The following DOCK1 variants were observed in gnomAD, a reference collection of about 807,000 sequenced individuals.
The protein encoded by DOCK1 is dedicator of cytokinesis protein 1.
A neutral mutation model predicts 262.7 loss-of-function variants in DOCK1; 138 were observed. That is an observed-to-expected ratio of 0.53 (90% CI 0.46 to 0.61). The LOEUF is 0.61. DOCK1 is among the 20% of genes least tolerant of loss of function. The pLI is 0.00. For synonymous variants in DOCK1, 866 were observed against 867.4 expected (o/e 1.00, Z 0.03); for missense variants, 1,908 against 2,370.7 (o/e 0.80, Z 4.05).
chr10:127,128,338 T>G (rs2050099976), intron 27 of DOCK1, among the ~76,000 whole-genome samples: 1 of 13,370 alleles, frequency 7.5e-5, no homozygotes, highest in South Asian at 0.016. Flanking sequence ...CTCGTTTAAT[T>G]TTTTTTTTTT....
intron 2 of DOCK1, among the ~76,000 whole-genome samples, chr10:126,975,302 G>C (rs1240026189): frequency 6.6e-6 from 1 of 152,096 alleles, no homozygotes; most frequent in East Asian, 1.9e-4. Flanking sequence ...GCTGCCCTGA[G>C]CATCCCATGT....
intron 27 of DOCK1, among the ~76,000 whole-genome samples, chr10:127,236,342 CCTCCTTCCCTCT>C (rs1226291970): frequency 2.2e-5 from 3 of 138,128 alleles, no homozygotes; most frequent in South Asian, 2.6e-4. Flanking sequence ...TCTCCCCTCC[CCTCCTTCCCTCT>C]CTCCTTCCCT....
At chr10:127,402,925 G>T (rs950528086) in intron 38 of DOCK1, 130 bp from the exon 39 acceptor site, 5 of 893,280 alleles carry the variant, frequency 5.6e-6, no homozygotes, top group South Asian at 1.6e-5. Flanking sequence ...TATTTTTTCG[G>T]TGTTATTCCC....
intron 27 of DOCK1, among the ~76,000 whole-genome samples, chr10:127,131,294 C>G (rs1427486400): frequency 6.6e-6 from 1 of 152,158 alleles, no homozygotes; most frequent in Non-Finnish European, 1.5e-5. Flanking sequence ...TCTTCCCAAA[C>G]AGAAGCCTCA....
At chr10:127,341,760 C>T (rs1428658623) in intron 30 of DOCK1, among the ~76,000 whole-genome samples, 2 of 152,192 alleles carry the variant, frequency 1.3e-5, no homozygotes, top group East Asian at 1.9e-4. Context: ...TTACAAGCCA[C>T]GTGCTTCAGG....
chr10:127,391,576 T>A (rs1289465581), intron 38 of DOCK1, among the ~76,000 whole-genome samples: 1 of 150,274 alleles, frequency 6.7e-6, no homozygotes, highest in Non-Finnish European at 1.5e-5. Flanking sequence ...ATAAGTCACG[T>A]TTGCTCCTCA....
At chr10:127,447,665 G>A (rs1286425587) in intron 51 of DOCK1, 120 bp downstream of exon 51, 113 of 1,433,382 alleles carry the variant, frequency 7.9e-5, no homozygotes, top group Non-Finnish European at 1.0e-4. Flanking sequence ...GGAAAACCAT[G>A]TATGATGGGC....
intron 40 of DOCK1, among the ~76,000 whole-genome samples, chr10:127,404,685 G>A (rs1462619817): frequency 6.6e-6 from 1 of 152,204 alleles, no homozygotes; most frequent in African/African-American, 2.4e-5. Context: ...TAATTGAGGT[G>A]TGATATATGA....
chr10:127,240,162 T>A (rs1290288653), intron 27 of DOCK1, among the ~76,000 whole-genome samples: 1 of 152,076 alleles, frequency 6.6e-6, no homozygotes, highest in African/African-American at 2.4e-5. Flanking sequence ...TAAATTCAAC[T>A]AAGCACTCAG....
intron 27 of DOCK1, among the ~76,000 whole-genome samples, chr10:127,161,246 A>C (rs1176009681): frequency 6.6e-6 from 1 of 152,232 alleles, no homozygotes; most frequent in African/African-American, 2.4e-5. Context: ...TGAGCTGTTA[A>C]ATGCTAGAAT....
At chr10:127,285,087 G>A (rs1040183071) in intron 29 of DOCK1, among the ~76,000 whole-genome samples, 6 of 151,048 alleles carry the variant, frequency 4.0e-5, no homozygotes, top group Middle Eastern at 3.6e-3. Context: ...GCAGTGAGTC[G>A]TGATCGTGCC....
At chr10:127,208,619 C>A (rs1371181104) in intron 27 of DOCK1, among the ~76,000 whole-genome samples, 2 of 151,986 alleles carry the variant, frequency 1.3e-5, no homozygotes, top group Admixed American at 6.6e-5. Context: ...ATATTTAATG[C>A]CTCAGATTTG....
intron 10 of DOCK1, among the ~76,000 whole-genome samples, chr10:127,002,593 C>G (rs998217767): frequency 6.6e-6 from 1 of 152,098 alleles, no homozygotes; most frequent in Non-Finnish European, 1.5e-5. Flanking sequence ...CCCCCCAGCT[C>G]CTGGAGTTCT....
intron 29 of DOCK1, among the ~76,000 whole-genome samples, chr10:127,337,179 G>A (rs981478968): frequency 2.0e-5 from 3 of 152,144 alleles, no homozygotes; most frequent in Admixed American, 1.3e-4. Context: ...TGACAAGAAG[G>A]TGTTGTATTC....
chr10:127,300,655 G>T (rs2061648530), intron 29 of DOCK1, among the ~76,000 whole-genome samples: 1 of 152,172 alleles, frequency 6.6e-6, no homozygotes, highest in African/African-American at 2.4e-5. Context: ...ATGCCTGGTT[G>T]ATCCATCTTC....
chr10:127,205,087 A>G (rs2057654001), intron 27 of DOCK1, among the ~76,000 whole-genome samples: 1 of 151,986 alleles, frequency 6.6e-6, no homozygotes, highest in Non-Finnish European at 1.5e-5. Context: ...GACAATGAGG[A>G]AATTTATTTT....
chr10:127,300,500 G>A (rs879348665), intron 29 of DOCK1, among the ~76,000 whole-genome samples: 1 of 152,218 alleles, frequency 6.6e-6, no homozygotes, highest in Non-Finnish European at 1.5e-5. Context: ...TAAGGTCCGT[G>A]GGGATCACCC....
chr10:127,419,316 G>T (rs1482633738), intron 45 of DOCK1, among the ~76,000 whole-genome samples: 1 of 152,194 alleles, frequency 6.6e-6, no homozygotes, highest in Admixed American at 6.5e-5. Context: ...TGTAGGTCAG[G>T]CCTGGGCAGG....
At chr10:127,402,396 TATCAAAAAATTATTCC>T (rs1465056764) in intron 38 of DOCK1, among the ~76,000 whole-genome samples, 49 of 152,196 alleles carry the variant, frequency 3.2e-4, no homozygotes, top group Non-Finnish European at 1.0e-4. Context: ...GCCAACTATC[TATCAAAAAATTATTCC>T]ACATGTGTCA....
Sources: gnomAD v4.1 joint callset for allele counts (sites outside exome capture counted in the v4.1 genomes callset) on GRCh38, gnomAD v4.1.1 for gene constraint, MANE v1.5 for transcripts, NCBI Gene and HGNC (gene_info 2026-07-23, HGNC 2026-07-21) for gene names.